Variants in MSRA observed in about 807,000 individuals in gnomAD.
MSRA encodes methionine sulfoxide reductase A.
In MSRA, 54 loss-of-function variants were observed where a neutral mutation model predicts 31.3. That is an observed-to-expected ratio of 1.73 (90% CI 1.39 to 2.17). The LOEUF (loss-of-function observed/expected upper bound fraction) is 2.17. Ranked by LOEUF, MSRA falls within the 30% of genes most tolerant of loss-of-function variation. MSRA has a pLI of 0.00. For synonymous variants in MSRA, 169 were observed against 116.5 expected (o/e 1.45, Z -2.90); for missense variants, 507 against 300.9 (o/e 1.69, Z -5.07).
intron 2 of MSRA, among the ~76,000 whole-genome samples, chr8:10,212,185 TAA>T (rs747249770): frequency 2.1e-5 from 3 of 141,138 alleles, no homozygotes; most frequent in Non-Finnish European, 4.6e-5. Flanking sequence ...AGACTCTGTC[TAA>T]AAAAAAAAAA....
intron 1 of MSRA, among the ~76,000 whole-genome samples, chr8:10,110,075 C>T (rs1341679830): frequency 1.3e-5 from 2 of 152,216 alleles, no homozygotes; most frequent in Non-Finnish European, 2.9e-5. Flanking sequence ...ATTGCAGCCA[C>T]AGTTCATGCC....
At chr8:10,072,035 T>C (rs1797758768) in intron 1 of MSRA, among the ~76,000 whole-genome samples, 1 of 151,418 alleles carries the variant, frequency 6.6e-6, no homozygotes, top group Non-Finnish European at 1.5e-5. Context: ...GTACTGCAAC[T>C]AAGGGACCCT....
intron 1 of MSRA, among the ~76,000 whole-genome samples, chr8:10,131,807 A>G (rs949139229): frequency 2.0e-5 from 3 of 152,186 alleles, no homozygotes; most frequent in Admixed American, 2.0e-4. Context: ...TGCCAGAAAC[A>G]CACAGGAGGG....
chr8:10,059,631 A>G (rs898025977), intron 1 of MSRA, among the ~76,000 whole-genome samples: 5 of 152,242 alleles, frequency 3.3e-5, no homozygotes, highest in Non-Finnish European at 7.3e-5. Context: ...TATCACAGTA[A>G]AAAGACTGAT....
intron 5 of MSRA, among the ~76,000 whole-genome samples, chr8:10,357,565 C>T (rs1804581097): frequency 6.6e-6 from 1 of 152,198 alleles, no homozygotes; most frequent in African/African-American, 2.4e-5. Context: ...GTCCTTTTAC[C>T]ATGACTTCAG....
chr8:10,264,358 CTA>C (rs1188749380), intron 3 of MSRA, among the ~76,000 whole-genome samples: 2 of 152,224 alleles, frequency 1.3e-5, no homozygotes, highest in African/African-American at 4.8e-5. Flanking sequence ...TTGGATGAAA[CTA>C]TTATAAATTA....
At chr8:10,167,430 G>T (rs1168830366) in intron 1 of MSRA, among the ~76,000 whole-genome samples, 1 of 152,202 alleles carries the variant, frequency 6.6e-6, no homozygotes, top group Non-Finnish European at 1.5e-5. Flanking sequence ...GGCTTCAGAT[G>T]TGTTTGGTTT....
At chr8:10,233,234 G>A (rs748578770) in intron 2 of MSRA, among the ~76,000 whole-genome samples, 16 of 152,206 alleles carry the variant, frequency 1.1e-4, no homozygotes, top group Non-Finnish European at 2.4e-4. Context: ...AATCACCTTC[G>A]TGTAGGTACA....
At chr8:10,333,092 T>C (rs1802800588) in intron 5 of MSRA, among the ~76,000 whole-genome samples, 1 of 152,192 alleles carries the variant, frequency 6.6e-6, no homozygotes, top group African/African-American at 2.4e-5. Context: ...GGAGACATTT[T>C]TGATTTTAGT....
At chr8:10,226,885 G>C (rs188779946) in intron 2 of MSRA, among the ~76,000 whole-genome samples, 1 of 152,152 alleles carries the variant, frequency 6.6e-6, no homozygotes, top group Admixed American at 6.5e-5. Context: ...CTTCTGGACC[G>C]TGGTGCTACT....
intron 1 of MSRA, among the ~76,000 whole-genome samples, chr8:10,088,855 G>A (rs752627424): frequency 6.6e-6 from 1 of 152,174 alleles, no homozygotes; most frequent in Non-Finnish European, 1.5e-5. Context: ...TCTAAAGGAC[G>A]TTATGCTAAG....
chr8:10,329,920 T>G (rs955282936), intron 5 of MSRA, among the ~76,000 whole-genome samples: 1 of 151,322 alleles, frequency 6.6e-6, no homozygotes, highest in African/African-American at 2.4e-5. Flanking sequence ...ACTGCTATAC[T>G]ACTTCTGAAA....
intron 1 of MSRA, among the ~76,000 whole-genome samples, chr8:10,116,779 C>T (rs59732058): frequency 0.082 from 12,478 of 152,020 alleles, 701 homozygotes; most frequent in African/African-American, 0.16. Flanking sequence ...ACCAGCCTGA[C>T]CAACATGAAG....
At chr8:10,224,291 C>A (rs1342999917) in intron 2 of MSRA, among the ~76,000 whole-genome samples, 1 of 152,110 alleles carries the variant, frequency 6.6e-6, no homozygotes, top group Non-Finnish European at 1.5e-5. Flanking sequence ...ATAGGATCAT[C>A]TTTGCATGTT....
intron 5 of MSRA, among the ~76,000 whole-genome samples, chr8:10,354,640 G>T (rs1309155400): frequency 1.3e-5 from 2 of 151,608 alleles, no homozygotes; most frequent in Non-Finnish European, 2.9e-5. Context: ...GATTACAAAT[G>T]CATCGGTGAA....
At chr8:10,100,954 T>C (rs2128933172) in intron 1 of MSRA, among the ~76,000 whole-genome samples, 1 of 152,334 alleles carries the variant, frequency 6.6e-6, no homozygotes, top group South Asian at 2.1e-4. Context: ...TGTCTATCAA[T>C]GTCATTTATA....
chr8:10,293,340 C>T (rs1383505661), intron 3 of MSRA, among the ~76,000 whole-genome samples: 2 of 152,202 alleles, frequency 1.3e-5, no homozygotes, highest in African/African-American at 2.4e-5. Context: ...CTACTGCTTC[C>T]ATTTGGATTC....
At chr8:10,269,113 C>T (rs989278411) in intron 3 of MSRA, among the ~76,000 whole-genome samples, 1 of 152,208 alleles carries the variant, frequency 6.6e-6, no homozygotes, top group African/African-American at 2.4e-5. Context: ...TAGCCAATGT[C>T]GATGGATTGT....
At chr8:10,260,067 C>T (rs538006849) in intron 3 of MSRA, among the ~76,000 whole-genome samples, 61 of 152,286 alleles carry the variant, frequency 4.0e-4, no homozygotes, top group Admixed American at 1.3e-3. Flanking sequence ...CAAGTCATTT[C>T]GGTTGGACGG....
Sources: gnomAD v4.1 joint callset for allele counts (sites outside exome capture counted in the v4.1 genomes callset) on GRCh38, gnomAD v4.1.1 for gene constraint, MANE v1.5 for transcripts, NCBI Gene and HGNC (gene_info 2026-07-23, HGNC 2026-07-21) for gene names.